Variants in ITFG2 observed in about 807,000 individuals in gnomAD.
The protein encoded by ITFG2 is integrin alpha FG-GAP repeat containing 2.
Under a neutral mutation model 54.4 loss-of-function variants are expected in ITFG2, and 36 were observed. That is an observed-to-expected ratio of 0.66 (90% confidence interval 0.51 to 0.87). ITFG2 has a LOEUF of 0.87. Ranked by LOEUF, ITFG2 falls within the 40% of genes least tolerant of loss-of-function variation. ITFG2 has a pLI of 0.00. For missense variants in ITFG2, 524 were observed against 576.7 expected (o/e 0.91, Z 0.94); for synonymous variants, 211 against 225.4 (o/e 0.94, Z 0.57).
downstream of ITFG2, chr12:2,827,576 T>C (rs1170702416): frequency 3.1e-6 from 5 of 1,613,754 alleles, no homozygotes; most frequent in South Asian, 4.4e-5. The surrounding 1 kb of genome is among the most constrained non-coding windows in gnomAD (Gnocchi z 4.0). Flanking sequence ...CTGTGCCTTC[T>C]ACTACTTTTT....
chr12:2,829,933 C>G (rs1235286119), downstream of ITFG2, among the ~76,000 whole-genome samples: 3 of 151,784 alleles, frequency 2.0e-5, no homozygotes, highest in African/African-American at 7.3e-5. Context: ...CAAAATTAGC[C>G]AAGTGTGGTA....
In ITFG2 at chr12:2,824,488, C is replaced by G. The variant is rs2097957541; in HGVS notation, c.*295C>G. ...CAAATCATCTGGGACATGACCCACTCCCCACTGTCACTGTGTTGAAAACAG... is the reference window on the plus strand; with the variant it reads ...CAAATCATCTGGGACATGACCCACTGCCCACTGTCACTGTGTTGAAAACAG... On this transcript the variant is annotated 3_prime_UTR_variant, in exon 12 of 12. Transcript: ENST00000228799. The G allele has an allele frequency of 7.1e-6, 3 of 421,062 alleles. No individual in the cohort carries two copies. Among genetic ancestry groups the G allele is most frequent in the Admixed American group, 3.5e-5 (1 of 28,504 alleles). The allele number at this position is 421,062 out of a possible 1,614,324, so 26.1% of individuals were successfully genotyped here. A position where few individuals can be genotyped will look rare whatever the true frequency, so the allele number is the denominator to read the frequency against.
At chr12:2,834,071 G>A (rs1394643988), upstream of ITFG2, among the ~76,000 whole-genome samples, 1 of 152,222 alleles carries the variant, frequency 6.6e-6, no homozygotes, top group Non-Finnish European at 1.5e-5. Flanking sequence ...GACATGGGAT[G>A]GGAGGAGAGG....
intron 8 of ITFG2, 25 bp from the exon 9 acceptor site, chr12:2,821,667 A>G (rs768326240): frequency 1.9e-6 from 3 of 1,613,534 alleles, no homozygotes; most frequent in Non-Finnish European, 2.5e-6. Flanking sequence ...TCCCACCCAC[A>G]CTCAGCCTGC....
chr12:2,835,019 A>G (rs772165949), upstream of ITFG2: 2 of 1,515,016 alleles, frequency 1.3e-6, no homozygotes, highest in Non-Finnish European at 1.8e-6. Flanking sequence ...ATTTCCCGAG[A>G]TTGCTGTAGA....
At chr12:2,859,234 G>A (rs1421708052) in intron 3 of ITFG2, 2 of 1,613,538 alleles carry the variant, frequency 1.2e-6, no homozygotes, top group Non-Finnish European at 1.7e-6. Flanking sequence ...GAAGTACTGG[G>A]CCCCTCTGAG....
intron 2 of ITFG2, chr12:2,856,816 G>T: frequency 1.6e-6 from 1 of 637,492 alleles, no homozygotes; most frequent in South Asian, 1.8e-5. Context: ...TAGTGTCATA[G>T]GATGAAAAGG....
At chr12:2,814,311 C>T (rs753887384) in intron 1 of ITFG2, among the ~76,000 whole-genome samples, 3 of 152,142 alleles carry the variant, frequency 2.0e-5, no homozygotes, top group Admixed American at 6.6e-5. Flanking sequence ...TATCTGATTG[C>T]CTTCTTTGTT....
chr12:2,840,078 C>A (rs1385864895), intron 1 of ITFG2, among the ~76,000 whole-genome samples: 3 of 151,308 alleles, frequency 2.0e-5, no homozygotes, highest in Non-Finnish European at 4.4e-5. Context: ...TCTAACAAAC[C>A]CGCACATGTG....
At chr12:2,827,983 C>G (rs752961089), downstream of ITFG2, 1 of 1,614,210 alleles carries the variant, frequency 6.2e-7, no homozygotes, top group East Asian at 2.2e-5. This position sits in a 1 kb window ranked among gnomAD's most constrained non-coding sequence, Gnocchi z 4.0. Flanking sequence ...TCCAACTGCT[C>G]CACCTGGGTT....
intron 2 of ITFG2, chr12:2,817,538 G>T: frequency 1.8e-6 from 1 of 567,444 alleles, no homozygotes. Flanking sequence ...GTGTTTTTGT[G>T]TCGTGGAGTA....
chr12:2,853,877 C>T (rs2098079183), intron 2 of ITFG2, among the ~76,000 whole-genome samples: 1 of 152,176 alleles, frequency 6.6e-6, no homozygotes, highest in Admixed American at 6.5e-5. Flanking sequence ...CCTGGAGGGG[C>T]TCAGCCACTG....
intron 9 of ITFG2, among the ~76,000 whole-genome samples, chr12:2,822,006 G>A (rs2097946998): frequency 6.8e-6 from 1 of 147,172 alleles, no homozygotes; most frequent in African/African-American, 2.5e-5. Flanking sequence ...TTGGTTCACT[G>A]CAACCTTTTC....
intron 4 of ITFG2, 40 bp from the exon 5 acceptor site, chr12:2,820,046 C>T (rs377000219): frequency 1.0e-5 from 16 of 1,573,038 alleles, no homozygotes; most frequent in South Asian, 2.4e-5. Flanking sequence ...GGGGGCTGCT[C>T]GTGGGACTCC....
intron 3 of ITFG2, chr12:2,859,231 T>C: frequency 6.2e-7 from 1 of 1,613,680 alleles, no homozygotes; most frequent in Non-Finnish European, 8.5e-7. Context: ...CGGGAAGTAC[T>C]GGGCCCCTCT....
chr12:2,828,423 G>C (rs1179608847), downstream of ITFG2: 6 of 1,611,650 alleles, frequency 3.7e-6, no homozygotes, highest in Admixed American at 1.0e-4. Context: ...CACTAAGAAA[G>C]AAGAATCGTG....
exon 4 of ITFG2, chr12:2,859,656 A>G: frequency 6.2e-7 from 1 of 1,604,904 alleles, no homozygotes; most frequent in Non-Finnish European, 8.5e-7. Flanking sequence ...CTCCTCAGCT[A>G]GCAGCACCTG....
chr12:2,825,857 G>A (rs1371138112), downstream of ITFG2: 2 of 152,170 alleles, frequency 1.3e-5, no homozygotes, highest in Non-Finnish European at 2.9e-5. Context: ...CCATCTCCCA[G>A]GTTCAAGCAA....
intron 2 of ITFG2, among the ~76,000 whole-genome samples, chr12:2,841,720 T>G (rs1487261114): frequency 1.1e-5 from 1 of 91,058 alleles, no homozygotes; most frequent in African/African-American, 6.7e-5. Context: ...TTTATATTGA[T>G]TTTTTTTTTT....
Sources: allele counts gnomAD v4.1 joint callset (sites outside exome capture counted in the v4.1 genomes callset), GRCh38; gene constraint gnomAD v4.1.1; non-coding constraint Gnocchi (gnomAD v3.1); transcripts MANE v1.5; gene names NCBI Gene and HGNC (gene_info 2026-07-23, HGNC 2026-07-21).